The following TMEM132D variants were observed in gnomAD, a reference collection of about 807,000 sequenced individuals.
TMEM132D encodes mature OL transmembrane protein.
TMEM132D carries 21 observed loss-of-function variants against 62.3 expected under a neutral mutation model. The observed-to-expected ratio is 0.34, with a 90% CI of 0.24 to 0.49. The LOEUF (loss-of-function observed/expected upper bound fraction) is 0.49, where lower values mean the gene tolerates loss of function less well. Among genes scored for constraint, TMEM132D ranks in the 20% least tolerant of loss-of-function variants. TMEM132D has a pLI of 0.99. For missense variants in TMEM132D, 1,346 were observed against 1,402.8 expected, an observed-to-expected ratio of 0.96 and a Z score of 0.65; for synonymous variants, 621 against 575.6, an observed-to-expected ratio of 1.08 and a Z score of -1.13.
chr12:129,109,402 A>G (rs1193731775), intron 5 of TMEM132D, among the ~76,000 whole-genome samples: 1 of 152,196 alleles, frequency 6.6e-6, no homozygotes, highest in African/African-American at 2.4e-5. Context: ...TGGTCTGAAG[A>G]GTAAATGAGT....
At chr12:129,165,460 A>G (rs1048783360) in intron 5 of TMEM132D, among the ~76,000 whole-genome samples, 1 of 152,238 alleles carries the variant, frequency 6.6e-6, no homozygotes, top group African/African-American at 2.4e-5. Flanking sequence ...ACTAACTGAA[A>G]TGGACAAAGA....
chr12:129,530,089 A>G (rs753367231), intron 3 of TMEM132D, among the ~76,000 whole-genome samples: 10 of 152,212 alleles, frequency 6.6e-5, no homozygotes, highest in Non-Finnish European at 1.3e-4. Flanking sequence ...CTAAAAACCA[A>G]CATCGAGCAA....
chr12:129,762,355 T>A (rs565813109), intron 1 of TMEM132D, among the ~76,000 whole-genome samples: 74 of 151,922 alleles, frequency 4.9e-4, no homozygotes, highest in African/African-American at 1.6e-3. Flanking sequence ...TTGAATTTTT[T>A]AAAAAAAATC....
chr12:129,744,485 T>C (rs1452158614), intron 1 of TMEM132D, among the ~76,000 whole-genome samples: 1 of 152,160 alleles, frequency 6.6e-6, no homozygotes, highest in Non-Finnish European at 1.5e-5. Flanking sequence ...TAGGTAATTA[T>C]AAAAAGTAGT....
chr12:129,415,926 G>C (rs1032919687), intron 3 of TMEM132D, among the ~76,000 whole-genome samples: 8 of 152,122 alleles, frequency 5.3e-5, no homozygotes, highest in African/African-American at 9.7e-5. Flanking sequence ...GCCATTCTCA[G>C]CTTAGAGACA....
At chr12:129,406,159 T>C (rs1483039776) in intron 3 of TMEM132D, among the ~76,000 whole-genome samples, 1 of 152,222 alleles carries the variant, frequency 6.6e-6, no homozygotes, top group African/African-American at 2.4e-5. Context: ...CTTTACAACA[T>C]ACACCTTTTG....
intron 1 of TMEM132D, among the ~76,000 whole-genome samples, chr12:129,821,959 T>C (rs1203961141): frequency 6.6e-6 from 1 of 152,184 alleles, no homozygotes; most frequent in East Asian, 1.9e-4. Context: ...GATCTCCTGC[T>C]GTATGCTGGG....
chr12:129,471,194 G>C lies in TMEM132D; in HGVS notation c.1115+59865C>G, dbSNP rs564171259. Among the ~76,000 whole-genome samples the C allele has an allele frequency of 1.0e-4, 14 of 138,890 alleles. No individual in the cohort carries two copies. The South Asian group carries it at 3.3e-3, about 33-fold the overall frequency. 91.1% of individuals were successfully genotyped at this position (138,890 alleles called of 152,430 possible). On this transcript the variant is annotated intron_variant, in intron 3 of 8. Coordinates refer to ENST00000422113, the MANE Select transcript of TMEM132D (RefSeq NM_133448.3). ...ATTTTGTTGCACTTCACTTTATCGT[G>C]TTTTGTAGATATTACTTTTTTTTTT...
chr12:129,074,004 G>C lies in TMEM132D; in HGVS notation c.3171C>G (p.Asp1057Glu), dbSNP rs74724941. 1 of 1,613,952 alleles carries C rather than the reference G, an allele frequency of 6.2e-7. No homozygotes were observed. Among genetic ancestry groups the C allele is most frequent in the Non-Finnish European group, 8.5e-7 (1 of 1,179,928 alleles). ...CGATGGAGTTCCTGGTGGGGTACTC[G>C]TCGTCTGAGGAGACGGCGGTGAAGG... ...FTTFTAVSSD[D>E]EYPTRNSIVM... is the part of the protein sequence containing the mutation. The change falls in exon 9 of 9, where the codon GAC becomes GAG. Residue 1057 changes from aspartate (D) to glutamate (E), a missense_variant. Asp to Glu is a conservative substitution (Grantham distance 45, BLOSUM62 2). Coordinates refer to ENST00000422113, the MANE Select transcript of TMEM132D (RefSeq NM_133448.3).
At chr12:129,770,140 G>GTT (rs375230592) in intron 1 of TMEM132D, among the ~76,000 whole-genome samples, 17,935 of 103,750 alleles carry the variant, frequency 0.17, 2,156 homozygotes, top group African/African-American at 0.24. Context: ...GGTTTTTTTG[G>GTT]TTGTTTTTTT....
At chr12:129,427,310 T>C (rs1441138254) in intron 3 of TMEM132D, among the ~76,000 whole-genome samples, 1 of 146,004 alleles carries the variant, frequency 6.8e-6, no homozygotes, top group African/African-American at 2.6e-5. Flanking sequence ...TAAGGACGCA[T>C]CAAGAAAGGA....
At chr12:129,687,812 A>T (rs1880969101) in intron 2 of TMEM132D, among the ~76,000 whole-genome samples, 1 of 152,128 alleles carries the variant, frequency 6.6e-6, no homozygotes, top group Non-Finnish European at 1.5e-5. Context: ...AACCCCCAAG[A>T]GCCTGCCAGT....
intron 3 of TMEM132D, among the ~76,000 whole-genome samples, chr12:129,361,618 A>G (rs1870251006): frequency 6.6e-6 from 1 of 152,218 alleles, no homozygotes; most frequent in Admixed American, 6.5e-5. Flanking sequence ...CCAAATGTCC[A>G]TGGCAAATGC....
At chr12:129,747,209 C>CCTTCTTA (rs1869822286) in intron 1 of TMEM132D, among the ~76,000 whole-genome samples, 4 of 29,568 alleles carry the variant, frequency 1.4e-4, no homozygotes, top group Admixed American at 3.9e-4. Context: ...CCTTCTTACT[C>CCTTCTTA]CTCCTTCCAG....
chr12:129,344,040 T>C (rs1462247187), intron 3 of TMEM132D, among the ~76,000 whole-genome samples: 1 of 152,240 alleles, frequency 6.6e-6, no homozygotes, highest in Non-Finnish European at 1.5e-5. Flanking sequence ...TTTCTCCATA[T>C]ATACAAGCAT....
chr12:129,506,761 A>C (rs2895128), intron 3 of TMEM132D, among the ~76,000 whole-genome samples: 2 of 152,218 alleles, frequency 1.3e-5, no homozygotes, highest in African/African-American at 4.8e-5. Flanking sequence ...AAATTCTAGA[A>C]GATAACATCA....
At chr12:129,432,186 G>C (rs1334554949) in intron 3 of TMEM132D, among the ~76,000 whole-genome samples, 2 of 150,830 alleles carry the variant, frequency 1.3e-5, no homozygotes, top group African/African-American at 4.9e-5. Context: ...TGGATGGATG[G>C]ATGGATGGAT....
rs149062699 is a variant in TMEM132D, at chr12:129,123,791, TTC to T, written c.1444-39091_1444-39090del. On this transcript the variant is annotated intron_variant, in intron 5 of 8. Coordinates refer to ENST00000422113, the MANE Select transcript of TMEM132D (RefSeq NM_133448.3). ...TAGAACACAAAGATGGAGGAAAAGC[TTC>T]TCTCTCTCTCTCTCCTTTTACTGGG... Among the ~76,000 whole-genome samples the T allele has an allele frequency of 2.1e-3, 315 of 151,722 alleles. 14 individuals are homozygous for T. The South Asian group carries it at 0.063, about 30-fold the overall frequency.
Position 129,073,550 on chromosome 12 carries a change from A to G in TMEM132D, c.*325T>C, listed in dbSNP as rs571589123. The G allele has an allele frequency of 2.5e-5, 6 of 241,894 alleles. No individual in the cohort carries two copies. Among genetic ancestry groups the G allele is most frequent in the African/African-American group, 1.3e-4 (6 of 44,658 alleles). 15.0% of individuals were successfully genotyped at this position (241,894 alleles called of 1,614,324 possible). ...AGCCATGTGGATTTTACAATATCCAAATTGCTTTGATTCGAGAGAGAGAGG... is the reference window on the plus strand; with the variant it reads ...AGCCATGTGGATTTTACAATATCCAGATTGCTTTGATTCGAGAGAGAGAGG... On this transcript the variant is annotated 3_prime_UTR_variant, in exon 9 of 9. Coordinates refer to ENST00000422113, the MANE Select transcript of TMEM132D (RefSeq NM_133448.3).
Sources: gnomAD v4.1 joint callset for allele counts (sites outside exome capture counted in the v4.1 genomes callset) on GRCh38, gnomAD v4.1.1 for gene constraint, MANE v1.5 for transcripts, NCBI Gene and HGNC (gene_info 2026-07-23, HGNC 2026-07-21) for gene names.